RIPOR3: variants seen among roughly 807,000 people sequenced by gnomAD.
RIPOR3 encodes family with sequence similarity 65 member C.
A neutral mutation model predicts 114.3 loss-of-function variants in RIPOR3; 95 were observed. The observed-to-expected ratio is 0.83, with a 90% confidence interval of 0.70 to 0.99. The LOEUF is 0.99. Among genes scored for constraint, RIPOR3 ranks in the 50% least tolerant of loss-of-function variants. The probability of loss-of-function intolerance (pLI) is 0.00; values close to 1 mark genes in which losing one functional copy is unlikely to be tolerated. For synonymous variants in RIPOR3, 575 were observed against 543.8 expected (o/e 1.06, Z -0.80); for missense variants, 1,252 against 1,266.9 (o/e 0.99, Z 0.18).
rs777155196 is a variant in RIPOR3 at position 50,602,414 on chromosome 20, G to T, written c.1317C>A (p.His439Gln). ...VGFLPLTFGP[H>Q]ASIEEEARED... is the part of the protein sequence containing the mutation. ...CCCGAGCCTCCTCTTCAATGGAGGC[G>T]TGGGGACCGAAGGTCAAGGGCAGGA... The change falls in exon 13 of 22, where the codon CAC becomes CAA. Residue 439 changes from histidine to glutamine, a missense_variant. Physicochemically the swap from His to Gln is conservative, Grantham distance 24. Coordinates refer to ENST00000327979, the MANE Select transcript of RIPOR3 (RefSeq NM_001290268.2). This position sits in a 1 kb window ranked among gnomAD's most constrained non-coding sequence, Gnocchi z 4.3. 2.5e-6 allele frequency: 4 copies of T among 1,606,122 alleles called. No individual in the cohort carries two copies. The highest frequency in any genetic ancestry group is 1.7e-4 in the Middle Eastern group (1 of 6,032).
At chr20:50,607,408 C>T (rs1037895626) in intron 11 of RIPOR3, among the ~76,000 whole-genome samples, 4 of 152,164 alleles carry the variant, frequency 2.6e-5, no homozygotes, top group Non-Finnish European at 5.9e-5. Flanking sequence ...GTAGGTAGGT[C>T]CCCATAGATC....
chr20:50,674,298 CA>C (rs1227593439), intron 1 of RIPOR3, among the ~76,000 whole-genome samples: 1 of 152,002 alleles, frequency 6.6e-6, no homozygotes. Context: ...CATTTGCTAA[CA>C]AATGTGACCT....
intron 11 of RIPOR3, among the ~76,000 whole-genome samples, chr20:50,607,687 G>A (rs1477797287): frequency 2.0e-5 from 3 of 152,084 alleles, no homozygotes; most frequent in Non-Finnish European, 4.4e-5. Context: ...GCAGGTGGTC[G>A]CTCAACAGAA....
At chr20:50,641,940 G>C (rs1233798611) in intron 1 of RIPOR3, among the ~76,000 whole-genome samples, 1 of 152,100 alleles carries the variant, frequency 6.6e-6, no homozygotes, top group African/African-American at 2.4e-5. Context: ...AAATGGTCTG[G>C]GGGGTAAGGG....
chr20:50,661,801 T>C (rs148209046), intron 1 of RIPOR3, among the ~76,000 whole-genome samples: 34 of 152,270 alleles, frequency 2.2e-4, no homozygotes, highest in African/African-American at 8.2e-4. Context: ...ATGTTTTCCA[T>C]TTCCCCTGGG....
chr20:50,636,552 G>A (rs2084992990), intron 1 of RIPOR3: 1 of 985,548 alleles, frequency 1.0e-6, no homozygotes, highest in Non-Finnish European at 1.2e-6. Context: ...GGCAGAGAAG[G>A]GAGGCACAGA....
chr20:50,651,520 T>G (rs995296584), intron 1 of RIPOR3, among the ~76,000 whole-genome samples: 2 of 152,126 alleles, frequency 1.3e-5, no homozygotes, highest in Non-Finnish European at 2.9e-5. Flanking sequence ...AGGCCCCTAC[T>G]CAATCTACCC....
chr20:50,610,787 C>T (rs2123077996), intron 6 of RIPOR3, 66 bp downstream of exon 6: 1 of 1,607,794 alleles, frequency 6.2e-7, no homozygotes, highest in South Asian at 1.1e-5. Context: ...CTCCTGCTAA[C>T]CTAGCTGAGG....
intron 1 of RIPOR3, among the ~76,000 whole-genome samples, chr20:50,631,641 CA>C (rs1333345154): frequency 2.6e-5 from 4 of 152,156 alleles, no homozygotes; most frequent in Non-Finnish European, 5.9e-5. Context: ...TGGAAAAGTC[CA>C]ATTCACATGA....
rs2083551354 is a variant in RIPOR3 at position 50,602,717 on chromosome 20, C to T, written c.1087-73G>A. 4.2e-6 allele frequency: 5 copies of T among 1,189,766 alleles called. No individual in the cohort carries two copies. Among genetic ancestry groups the T allele is most frequent in the Non-Finnish European group, 5.6e-6 (5 of 898,876 alleles). The allele number at this position is 1,189,766 out of a possible 1,614,324, so 73.7% of individuals were successfully genotyped here. A position where few individuals can be genotyped will look rare whatever the true frequency, so the allele number is the denominator to read the frequency against. On this transcript the variant is annotated intron_variant, in intron 12 of 21. Transcript: ENST00000327979. This position sits in a 1 kb window ranked among gnomAD's most constrained non-coding sequence, Gnocchi z 4.3. Reference sequence around the variant, plus strand: ...CAGCAAGTCCCCCAGAGGGGCTTCCCCTGACAGACACCCGCTGTGCATGCC... The same window carrying T: ...CAGCAAGTCCCCCAGAGGGGCTTCCTCTGACAGACACCCGCTGTGCATGCC...
chr20:50,657,191 A>T (rs1384449679), intron 1 of RIPOR3, among the ~76,000 whole-genome samples: 1 of 152,234 alleles, frequency 6.6e-6, no homozygotes, highest in Non-Finnish European at 1.5e-5. Context: ...GTTCAAGACC[A>T]GCCTTGGCAA....
chr20:50,641,986 C>T (rs1351964821), intron 1 of RIPOR3, among the ~76,000 whole-genome samples: 1 of 152,106 alleles, frequency 6.6e-6, no homozygotes, highest in Non-Finnish European at 1.5e-5. Context: ...TGTGTGTTTG[C>T]GCCATGGCAG....
intron 19 of RIPOR3, among the ~76,000 whole-genome samples, chr20:50,590,378 G>A (rs781782022): frequency 2.6e-5 from 4 of 152,248 alleles, no homozygotes; most frequent in South Asian, 4.1e-4. Flanking sequence ...GGAGTCCAGC[G>A]TCTGCGGCTG....
chr20:50,643,761 AG>A (rs1328551802), intron 1 of RIPOR3, among the ~76,000 whole-genome samples: 1 of 140,252 alleles, frequency 7.1e-6, no homozygotes, highest in East Asian at 2.2e-4. Context: ...GCTGGAGTGC[AG>A]TGGTGCAATC....
intron 13 of RIPOR3, among the ~76,000 whole-genome samples, chr20:50,601,651 G>C (rs149883624): frequency 1.3e-5 from 2 of 152,126 alleles, no homozygotes; most frequent in Non-Finnish European, 2.9e-5. Flanking sequence ...GAACAGCCCC[G>C]GGGTATGAGC....
At chr20:50,587,400 G>C in intron 21 of RIPOR3, 68 bp from the exon 22 acceptor site, 2 of 1,368,170 alleles carry the variant, frequency 1.5e-6, no homozygotes, top group Non-Finnish European at 2.1e-6. Flanking sequence ...TCCTGGGCCA[G>C]GGTGGCCCTA....
chr20:50,609,212 T>A, intron 8 of RIPOR3, 81 bp downstream of exon 8: 1 of 1,530,896 alleles, frequency 6.5e-7, no homozygotes, highest in Non-Finnish European at 8.9e-7. Flanking sequence ...CCCCTGGGAT[T>A]CTGGCCAATT....
intron 1 of RIPOR3, among the ~76,000 whole-genome samples, chr20:50,643,299 TG>T (rs1171317703): frequency 1.5e-5 from 2 of 130,504 alleles, no homozygotes; most frequent in Admixed American, 1.6e-4. Context: ...TTTTTGTGTG[TG>T]TTTTTTTTTT....
intron 20 of RIPOR3, among the ~76,000 whole-genome samples, chr20:50,589,084 GAAA>G (rs529410533): frequency 4.5e-5 from 4 of 89,526 alleles, no homozygotes; most frequent in African/African-American, 1.4e-4. Context: ...TCCATCTCAA[GAAA>G]AAAAAAAAAA....
Sources: gnomAD v4.1 joint callset for allele counts (sites outside exome capture counted in the v4.1 genomes callset) on GRCh38, gnomAD v4.1.1 for gene constraint, Gnocchi (gnomAD v3.1) non-coding constraint, MANE v1.5 for transcripts, NCBI Gene and HGNC (gene_info 2026-07-23, HGNC 2026-07-21) for gene names.